Variants in RAB31 observed in about 807,000 individuals in gnomAD.
RAB31 encodes the protein RAB31, member RAS oncogene family, also known as ras-related protein Rab-31.
In RAB31, 21 loss-of-function variants were observed where a neutral mutation model predicts 25.6. That is an observed-to-expected ratio of 0.82 (90% confidence interval 0.58 to 1.18). The LOEUF is 1.18. Among genes scored for constraint, RAB31 ranks in the 50% most tolerant of loss-of-function variants. RAB31 has a pLI of 0.00. For missense variants in RAB31, 196 were observed against 250.1 expected (o/e 0.78, Z 1.46); for synonymous variants, 87 against 84.0 (o/e 1.04, Z -0.20).
intron 1 of RAB31, among the ~76,000 whole-genome samples, chr18:9,745,933 T>A (rs4798842): frequency 0.92 from 139,887 of 152,196 alleles, 64,452 homozygotes; most frequent in Admixed American, 0.94. Context: ...CAATTACGCA[T>A]GTAAAAGAAG....
At chr18:9,859,157 G>C in intron 6 of RAB31, 71 bp from the exon 7 acceptor site, 1 of 1,311,042 alleles carries the variant, frequency 7.6e-7, no homozygotes, top group Middle Eastern at 1.8e-4. Context: ...TGTTGAAGCA[G>C]GGTGAAAATC....
Position 9,708,982 on chromosome 18 carries a change from A to G in RAB31, c.39+538A>G, listed in dbSNP as rs1317261748. 2.0e-5 allele frequency among the ~76,000 whole-genome samples: 3 copies of G among 152,220 alleles called. No homozygotes were observed. Among genetic ancestry groups the G allele is most frequent in the Non-Finnish European group, 4.4e-5 (3 of 68,032 alleles). On this transcript the variant is annotated intron_variant, in intron 1 of 6. Coordinates refer to ENST00000578921, the MANE Select transcript of RAB31 (RefSeq NM_006868.4). This position sits in a 1 kb window ranked among gnomAD's most constrained non-coding sequence, Gnocchi z 6.4. ...ATTTACTCACGTAAAACAGAAAAATAAAACCAAAAGCGAACCCAGCCAAGG... is the reference window on the plus strand; with the variant it reads ...ATTTACTCACGTAAAACAGAAAAATGAAACCAAAAGCGAACCCAGCCAAGG...
intron 1 of RAB31, among the ~76,000 whole-genome samples, chr18:9,732,381 G>T (rs1478238530): frequency 6.6e-6 from 1 of 152,244 alleles, no homozygotes; most frequent in Non-Finnish European, 1.5e-5. Context: ...GCAGGGCAGG[G>T]CTGTAGCCAG....
At chr18:9,727,177 G>T (rs1419631368) in intron 1 of RAB31, among the ~76,000 whole-genome samples, 1 of 152,190 alleles carries the variant, frequency 6.6e-6, no homozygotes, top group Non-Finnish European at 1.5e-5. Flanking sequence ...TCTTCCAGCT[G>T]TAGCCATGTG....
intron 3 of RAB31, among the ~76,000 whole-genome samples, chr18:9,810,100 C>A (rs551589306): frequency 6.6e-6 from 1 of 152,130 alleles, no homozygotes; most frequent in Non-Finnish European, 1.5e-5. Flanking sequence ...TTCCCTGTGC[C>A]GTTTCTAAAT....
chr18:9,792,686 T>C (rs76258836), intron 3 of RAB31, among the ~76,000 whole-genome samples: 4 of 152,188 alleles, frequency 2.6e-5, no homozygotes, highest in Middle Eastern at 3.2e-3. Context: ...GAGTTCTCAC[T>C]GGCCTGCCTT....
intron 1 of RAB31, among the ~76,000 whole-genome samples, chr18:9,765,461 C>T (rs2068311149): frequency 6.6e-6 from 1 of 152,148 alleles, no homozygotes. Flanking sequence ...GTGGTAATAA[C>T]AACAGCACAG....
At chr18:9,712,942 G>A (rs2068025329) in intron 1 of RAB31, among the ~76,000 whole-genome samples, 1 of 152,186 alleles carries the variant, frequency 6.6e-6, no homozygotes, top group African/African-American at 2.4e-5. Context: ...GTATATGGTG[G>A]CTCATTAAAG....
chr18:9,829,260 A>G (rs985338777), intron 5 of RAB31, among the ~76,000 whole-genome samples: 3 of 151,906 alleles, frequency 2.0e-5, no homozygotes, highest in African/African-American at 7.3e-5. Flanking sequence ...TTACACCTAC[A>G]TTTGCATTTT....
chr18:9,741,177 A>G (rs535548525), intron 1 of RAB31, among the ~76,000 whole-genome samples: 1 of 151,972 alleles, frequency 6.6e-6, no homozygotes, highest in East Asian at 1.9e-4. Context: ...GGAGTTCGAG[A>G]CCAGCCCGGC....
chr18:9,770,515 C>T (rs1459967811), intron 1 of RAB31, among the ~76,000 whole-genome samples: 1 of 152,188 alleles, frequency 6.6e-6, no homozygotes, highest in African/African-American at 2.4e-5. Flanking sequence ...AGTGGTTGTT[C>T]TCAGAGAGGA....
At chr18:9,804,025 C>A (rs1047154474) in intron 3 of RAB31, among the ~76,000 whole-genome samples, 1 of 152,236 alleles carries the variant, frequency 6.6e-6, no homozygotes, top group Non-Finnish European at 1.5e-5. Flanking sequence ...CAGCTCTGCC[C>A]TGAGCCCGGG....
At chr18:9,847,335 C>G (rs976338695) in intron 6 of RAB31, among the ~76,000 whole-genome samples, 5 of 152,180 alleles carry the variant, frequency 3.3e-5, no homozygotes. Context: ...TCCTTACAGC[C>G]CCGCGTCTTC....
intron 1 of RAB31, among the ~76,000 whole-genome samples, chr18:9,738,601 C>G (rs1373988254): frequency 6.6e-6 from 1 of 152,186 alleles, no homozygotes; most frequent in Non-Finnish European, 1.5e-5. Flanking sequence ...AGTCCCACAC[C>G]CCTTCCCACA....
intron 6 of RAB31, among the ~76,000 whole-genome samples, chr18:9,847,258 T>G (rs2068766591): frequency 6.6e-6 from 1 of 152,218 alleles, no homozygotes; most frequent in South Asian, 2.1e-4. Flanking sequence ...AAACATTTTG[T>G]TTTTACAGGT....
chr18:9,811,354 C>T lies in RAB31; in HGVS notation c.202-2666C>T, dbSNP rs146918037. The stretch of plus-strand genomic sequence containing the variant: ...CTTCCTTTCCACACTATTGTGAGTG[C>T]CTCACCAGCATTCCTCAGTGCAGTA... On this transcript the variant is annotated intron_variant, in intron 3 of 6. Coordinates refer to ENST00000578921, the MANE Select transcript of RAB31 (RefSeq NM_006868.4). 2.7e-3 allele frequency among the ~76,000 whole-genome samples: 405 copies of T among 152,330 alleles called. 1 individual carries two copies. The highest frequency in any genetic ancestry group is 9.3e-3 in the African/African-American group (385 of 41,562).
At position 9,859,337 on chromosome 18, in the gene RAB31, TG is replaced by T; in HGVS notation, c.*14del. On this transcript the variant is annotated 3_prime_UTR_variant, in exon 7 of 7. Transcript: ENST00000578921. ...GCCGGTGCTGTTGACCCAAGGGCCGTGGTCCACGGTACTTGAAGAAGCCAGA... is the reference window on the plus strand; with the variant it reads ...GCCGGTGCTGTTGACCCAAGGGCCGTGTCCACGGTACTTGAAGAAGCCAGA... 6.3e-7 allele frequency: 1 copy of T among 1,598,690 alleles called. No homozygotes were observed. Among genetic ancestry groups the T allele is most frequent in the Non-Finnish European group, 8.6e-7 (1 of 1,166,144 alleles).
chr18:9,763,275 G>A (rs1449479417), intron 1 of RAB31, among the ~76,000 whole-genome samples: 2 of 152,040 alleles, frequency 1.3e-5, no homozygotes, highest in Admixed American at 1.3e-4. Context: ...AGAGAGATGA[G>A]GAGACAGGGC....
intron 1 of RAB31, among the ~76,000 whole-genome samples, chr18:9,709,599 G>C (rs978887231): frequency 2.6e-5 from 4 of 152,052 alleles, no homozygotes; most frequent in African/African-American, 9.7e-5. Flanking sequence ...TCCCATCATC[G>C]GCTCCCATCA....
Sources: allele counts gnomAD v4.1 joint callset (sites outside exome capture counted in the v4.1 genomes callset), GRCh38; gene constraint gnomAD v4.1.1; non-coding constraint Gnocchi (gnomAD v3.1); transcripts MANE v1.5; gene names NCBI Gene and HGNC (gene_info 2026-07-23, HGNC 2026-07-21).